The following INSR variants were observed in gnomAD, a reference collection of about 807,000 sequenced individuals.
INSR encodes insulin receptor.
A neutral mutation model predicts 142.6 loss-of-function variants in INSR; 67 were observed. That is an observed-to-expected ratio of 0.47 (90% CI 0.39 to 0.58). INSR has a LOEUF of 0.58. Ranked by LOEUF, INSR falls within the 20% of genes least tolerant of loss-of-function variation. The pLI, the probability that INSR is intolerant of heterozygous loss-of-function variation, is 0.00. For synonymous variants in INSR, 756 were observed against 743.1 expected (o/e 1.02, Z -0.28); for missense variants, 1,248 against 1,833.2 (o/e 0.68, Z 5.83).
chr19:7,133,728 C>A (rs184583582), intron 13 of INSR, among the ~76,000 whole-genome samples: 1 of 152,106 alleles, frequency 6.6e-6, no homozygotes, highest in Non-Finnish European at 1.5e-5. Flanking sequence ...CTGGGCATGG[C>A]GGCACACGCC....
chr19:7,244,977 C>G (rs1976492694), intron 2 of INSR, among the ~76,000 whole-genome samples: 1 of 145,988 alleles, frequency 6.8e-6, no homozygotes, highest in Admixed American at 6.9e-5. Context: ...GCTCTGTCGC[C>G]CAGGCTGGAG....
At chr19:7,293,766 G>A (rs2145264540) in intron 1 of INSR, 26 bp downstream of exon 1, 3 of 1,323,082 alleles carry the variant, frequency 2.3e-6, no homozygotes, top group East Asian at 6.7e-5. Context: ...GGCGCTCCCC[G>A]CCCACGCCCG....
At chr19:7,141,044 T>C (rs766916358) in intron 13 of INSR, among the ~76,000 whole-genome samples, 5 of 152,174 alleles carry the variant, frequency 3.3e-5, no homozygotes, top group Non-Finnish European at 5.9e-5. Flanking sequence ...TATAAGGTTT[T>C]TGTTGTTGCT....
chr19:7,249,069 C>G (rs1042740855), intron 2 of INSR, among the ~76,000 whole-genome samples: 1 of 152,138 alleles, frequency 6.6e-6, no homozygotes, highest in Non-Finnish European at 1.5e-5. Flanking sequence ...CCCCCAGTAT[C>G]TTTTGAAGCC....
chr19:7,246,777 A>G (rs1976548526), intron 2 of INSR, among the ~76,000 whole-genome samples: 1 of 151,966 alleles, frequency 6.6e-6, no homozygotes, highest in Non-Finnish European at 1.5e-5. Context: ...TCTAAGTTCT[A>G]TGTTTCAGGG....
rs538574935 is a variant in INSR, at chr19:7,292,467, G to C, written c.100+1325C>G. The stretch of plus-strand genomic sequence containing the variant: ...CTGTCTCCCAGGCACCTGGGGGCGG[G>C]GCTGGGGGGGGGTGGGCCCGGGGCT... On this transcript the variant is annotated intron_variant, in intron 1 of 21. Transcript: ENST00000302850. 8.8e-4 allele frequency among the ~76,000 whole-genome samples: 113 copies of C among 128,256 alleles called. 1 individual carries two copies. Among genetic ancestry groups the C allele is most frequent in the African/African-American group, 3.1e-3 (110 of 35,058 alleles). 84.1% of individuals were successfully genotyped at this position (128,256 alleles called of 152,430 possible).
chr19:7,153,650 C>T (rs543998989), intron 9 of INSR, among the ~76,000 whole-genome samples: 3 of 152,052 alleles, frequency 2.0e-5, no homozygotes, highest in Non-Finnish European at 2.9e-5. Flanking sequence ...CCCAGGAGTT[C>T]GAGGCTGCAG....
At chr19:7,276,026 G>C (rs1174163099) in intron 1 of INSR, among the ~76,000 whole-genome samples, 1 of 148,448 alleles carries the variant, frequency 6.7e-6, no homozygotes, top group East Asian at 2.1e-4. Context: ...CATGAAAACA[G>C]CAGGGGAGAT....
chr19:7,290,203 G>T (rs1185846194), intron 1 of INSR, among the ~76,000 whole-genome samples: 1 of 152,122 alleles, frequency 6.6e-6, no homozygotes, highest in East Asian at 1.9e-4. Flanking sequence ...CCAGGAGTTT[G>T]AGACCAGCCT....
At chr19:7,161,371 C>T (rs115095336) in intron 9 of INSR, among the ~76,000 whole-genome samples, 5,454 of 151,812 alleles carry the variant, frequency 0.036, 283 homozygotes, top group African/African-American at 0.12. Flanking sequence ...GAGATCCTCC[C>T]GCCTGGGCCT....
At position 7,239,288 on chromosome 19, in the gene INSR, G is replaced by C. The variant is rs1281034732; in HGVS notation, c.652+28057C>G. On this transcript the variant is annotated intron_variant, in intron 2 of 21. Coordinates refer to ENST00000302850, the MANE Select transcript of INSR (RefSeq NM_000208.4). The stretch of plus-strand genomic sequence containing the variant: ...CCAATGCAGAGTCCCTGAAGAAAAA[G>C]GCCCAGCCCCCCCACCCCAAAACAG... Among the ~76,000 whole-genome samples, 3 of 138,442 alleles carry C rather than the reference G, an allele frequency of 2.2e-5. No individual in the cohort carries two copies. The East Asian group carries it at 6.2e-4, about 29-fold the overall frequency. 90.8% of individuals were successfully genotyped at this position (138,442 alleles called of 152,430 possible).
At chr19:7,154,705 C>A (rs899802448) in intron 9 of INSR, among the ~76,000 whole-genome samples, 1 of 151,714 alleles carries the variant, frequency 6.6e-6, no homozygotes, top group Non-Finnish European at 1.5e-5. Flanking sequence ...GGGCAGATCA[C>A]CTGAGGTCAG....
intron 9 of INSR, among the ~76,000 whole-genome samples, chr19:7,154,168 TAATA>T (rs1019692344): frequency 6.6e-6 from 1 of 150,858 alleles, no homozygotes; most frequent in African/African-American, 2.4e-5. Context: ...CTCAAAAAAA[TAATA>T]AATAAATAAA....
chr19:7,167,405 G>A (rs545917725), intron 7 of INSR, among the ~76,000 whole-genome samples: 6 of 152,068 alleles, frequency 3.9e-5, no homozygotes, highest in African/African-American at 1.4e-4. Context: ...GGCAAAACCC[G>A]TCTCTATCAA....
At chr19:7,215,187 G>C (rs1279685472) in intron 2 of INSR, among the ~76,000 whole-genome samples, 11 of 152,142 alleles carry the variant, frequency 7.2e-5, no homozygotes, top group Admixed American at 7.2e-4. Context: ...TTCGAACCCA[G>C]GACCATGGGC....
chr19:7,119,633 C>A lies in INSR; in HGVS notation c.3660-50G>T, dbSNP rs1469308921. ...AACAAAGAAGCCATTTAGACACACA[C>A]ACACACGCGCGCGCGCAAACACACA... On this transcript the variant is annotated intron_variant, in intron 20 of 21. Coordinates refer to ENST00000302850, the MANE Select transcript of INSR (RefSeq NM_000208.4). This position sits in a 1 kb window ranked among gnomAD's most constrained non-coding sequence, Gnocchi z 5.2. 1 of 1,607,546 alleles carries A rather than the reference C, an allele frequency of 6.2e-7. No homozygotes were observed. The highest frequency in any genetic ancestry group is 2.2e-5 in the East Asian group (1 of 44,810).
rs936365081 is a variant in INSR at position 7,214,896 on chromosome 19, CT to C, written c.653-30260del. On this transcript the variant is annotated intron_variant, in intron 2 of 21. Coordinates refer to ENST00000302850, the MANE Select transcript of INSR (RefSeq NM_000208.4). ...CCTTCCTTCCTTCCTTGTTCCCTCC[CT>C]TTTTTTTCCTTCCTTCCTTCCCCTC... Among the ~76,000 whole-genome samples, 73 of 147,680 alleles carry C rather than the reference CT, an allele frequency of 4.9e-4. No individual in the cohort carries two copies. The East Asian group carries it at 8.8e-3, about 18-fold the overall frequency.
At chr19:7,259,221 C>A (rs954500949) in intron 2 of INSR, among the ~76,000 whole-genome samples, 1 of 123,742 alleles carries the variant, frequency 8.1e-6, no homozygotes, top group African/African-American at 2.9e-5. Context: ...CAGTTTCCTG[C>A]ATTTCACCAA....
chr19:7,260,085 A>C (rs1977012288), intron 2 of INSR, among the ~76,000 whole-genome samples: 1 of 152,238 alleles, frequency 6.6e-6, no homozygotes, highest in African/African-American at 2.4e-5. Context: ...AGGCAGCTAA[A>C]AATTCTGCCA....
Sources: allele counts gnomAD v4.1 joint callset (sites outside exome capture counted in the v4.1 genomes callset), GRCh38; gene constraint gnomAD v4.1.1; non-coding constraint Gnocchi (gnomAD v3.1); transcripts MANE v1.5; gene names NCBI Gene and HGNC (gene_info 2026-07-23, HGNC 2026-07-21).